The following RBFOX1 variants were observed in gnomAD, a reference collection of about 807,000 sequenced individuals.
RBFOX1 encodes the protein RNA binding fox-1 homolog 1.
Under a neutral mutation model 57.7 loss-of-function variants are expected in RBFOX1, and 8 were observed. That is an observed-to-expected ratio of 0.14 (90% confidence interval 0.08 to 0.25). RBFOX1 has a LOEUF of 0.25. RBFOX1 is among the 10% of genes least tolerant of loss of function. The pLI is 1.00. For missense variants in RBFOX1, 611 were observed against 548.5 expected (o/e 1.11, Z -1.14); for synonymous variants, 326 against 222.4 (o/e 1.47, Z -4.15).
At chr16:7,219,913 G>C (rs2092593044) in intron 4 of RBFOX1, among the ~76,000 whole-genome samples, 1 of 152,216 alleles carries the variant, frequency 6.6e-6, no homozygotes, top group South Asian at 2.1e-4. Flanking sequence ...TCAAAAAATA[G>C]AATGATCAGT....
chr16:6,635,362 C>G (rs1201128626), intron 2 of RBFOX1, among the ~76,000 whole-genome samples: 5 of 151,950 alleles, frequency 3.3e-5, no homozygotes, highest in Non-Finnish European at 5.9e-5. Context: ...AATATAAGTA[C>G]AAGTGAAATC....
intron 4 of RBFOX1, among the ~76,000 whole-genome samples, chr16:7,319,604 T>C (rs1036847286): frequency 2.0e-5 from 3 of 152,168 alleles, no homozygotes; most frequent in Non-Finnish European, 4.4e-5. Context: ...ATGCTTTTCC[T>C]GGGCCTCAGA....
intron 1 of RBFOX1, among the ~76,000 whole-genome samples, chr16:5,419,432 G>C (rs2067249898): frequency 6.6e-6 from 1 of 151,912 alleles, no homozygotes; most frequent in Non-Finnish European, 1.5e-5. Flanking sequence ...ATTTTTTTCT[G>C]GCAATGCTGG....
chr16:7,335,724 G>C (rs543948030), intron 4 of RBFOX1, among the ~76,000 whole-genome samples: 1 of 152,094 alleles, frequency 6.6e-6, no homozygotes. Flanking sequence ...TACTCATACA[G>C]GATCTTTTAT....
intron 1 of RBFOX1, among the ~76,000 whole-genome samples, chr16:6,205,863 C>CTT (rs34261182): frequency 0.83 from 81,681 of 97,836 alleles, 35,809 homozygotes; most frequent in East Asian, 0.96. Flanking sequence ...CGAGATCATA[C>CTT]TTTTTTTTTT....
At chr16:6,713,040 A>G (rs1043834734) in intron 3 of RBFOX1, among the ~76,000 whole-genome samples, 10 of 151,938 alleles carry the variant, frequency 6.6e-5, no homozygotes, top group African/African-American at 2.2e-4. Context: ...GCTTTCCACC[A>G]TGATTGTGAG....
At chr16:6,502,791 A>G (rs1051264798) in intron 2 of RBFOX1, among the ~76,000 whole-genome samples, 4 of 152,088 alleles carry the variant, frequency 2.6e-5, no homozygotes, top group African/African-American at 9.7e-5. Flanking sequence ...TTAGACATGG[A>G]TGTAAGATAC....
intron 3 of RBFOX1, among the ~76,000 whole-genome samples, chr16:6,969,472 T>C (rs2085029668): frequency 1.3e-5 from 2 of 152,138 alleles, no homozygotes; most frequent in Non-Finnish European, 2.9e-5. Context: ...TGGTGGCTCA[T>C]GCCTGTAATC....
chr16:7,465,140 G>T (rs972137894), intron 4 of RBFOX1, among the ~76,000 whole-genome samples: 19 of 152,216 alleles, frequency 1.2e-4, no homozygotes, highest in African/African-American at 4.6e-4. Flanking sequence ...CAGGGGCTTT[G>T]CATATTTTAC....
intron 4 of RBFOX1, among the ~76,000 whole-genome samples, chr16:7,145,661 G>C (rs2074810574): frequency 6.6e-6 from 1 of 152,070 alleles, no homozygotes. Context: ...GTGTTTAATA[G>C]CTGAATTCTG....
chr16:6,761,623 C>T (rs535041405), intron 3 of RBFOX1, among the ~76,000 whole-genome samples: 24 of 147,636 alleles, frequency 1.6e-4, no homozygotes, highest in African/African-American at 5.4e-4. Context: ...TTCTCTGCCT[C>T]AGCCTCCCAA....
chr16:7,245,343 C>G (rs59362663), intron 4 of RBFOX1, among the ~76,000 whole-genome samples: 8,780 of 151,580 alleles, frequency 0.058, 696 homozygotes, highest in African/African-American at 0.18. Flanking sequence ...TTTTAGGTTC[C>G]AAGATACATG....
chr16:6,055,699 C>T (rs563857965), intron 1 of RBFOX1, among the ~76,000 whole-genome samples: 53 of 151,208 alleles, frequency 3.5e-4, no homozygotes, highest in Non-Finnish European at 6.3e-4. Flanking sequence ...GAAATCATTG[C>T]GATAAGGAAG....
intron 1 of RBFOX1, among the ~76,000 whole-genome samples, chr16:6,245,058 A>T (rs1472986182): frequency 6.6e-6 from 1 of 152,072 alleles, no homozygotes; most frequent in East Asian, 1.9e-4. Context: ...CTCTTGTTTG[A>T]TGGTTTCTTG....
chr16:6,184,438 T>G (rs1173815257), intron 1 of RBFOX1, among the ~76,000 whole-genome samples: 1 of 152,196 alleles, frequency 6.6e-6, no homozygotes, highest in Non-Finnish European at 1.5e-5. Context: ...CTTGCAGGTG[T>G]GAGAAGTGGT....
intron 4 of RBFOX1, among the ~76,000 whole-genome samples, chr16:5,877,819 T>C (rs1326426269): frequency 6.6e-6 from 1 of 152,192 alleles, no homozygotes; most frequent in Non-Finnish European, 1.5e-5. Flanking sequence ...GGTCCTTGGG[T>C]TGTTGCCATG....
intron 3 of RBFOX1, among the ~76,000 whole-genome samples, chr16:5,721,385 C>T (rs1272198536): frequency 1.3e-5 from 2 of 152,092 alleles, no homozygotes; most frequent in African/African-American, 2.4e-5. Context: ...GTTGGCTTTT[C>T]TGTGTTCAAG....
downstream of RBFOX1, among the ~76,000 whole-genome samples, chr16:5,602,995 C>G (rs1349657358): frequency 6.6e-6 from 1 of 152,122 alleles, no homozygotes; most frequent in Admixed American, 6.5e-5. Flanking sequence ...GTTTACAAGA[C>G]TAAATGTGGC....
chr16:6,915,809 C>G (rs779146424), intron 3 of RBFOX1, among the ~76,000 whole-genome samples: 2 of 152,072 alleles, frequency 1.3e-5, no homozygotes, highest in Admixed American at 6.6e-5. Context: ...GCCCTGGCCT[C>G]GCAAAGTCCT....
Sources: gnomAD v4.1 joint callset for allele counts (sites outside exome capture counted in the v4.1 genomes callset) on GRCh38, gnomAD v4.1.1 for gene constraint, MANE v1.5 for transcripts, NCBI Gene and HGNC (gene_info 2026-07-23, HGNC 2026-07-21) for gene names.